Variants in CTR9 observed in about 807,000 individuals in gnomAD.
The protein encoded by CTR9 is CTR9 component of Paf1/RNA polymerase II complex.
In CTR9, 41 loss-of-function variants were observed where a neutral mutation model predicts 152.1. The observed-to-expected ratio is 0.27, with a 90% CI of 0.21 to 0.35. The LOEUF is 0.35. Among genes scored for constraint, CTR9 ranks in the 10% least tolerant of loss-of-function variants. The pLI is 1.00. For missense variants in CTR9, 917 were observed against 1,424.4 expected, an observed-to-expected ratio of 0.64 and a Z score of 5.73; for synonymous variants, 476 against 496.2, an observed-to-expected ratio of 0.96 and a Z score of 0.54.
chr11:10,755,225 T>G, intron 3 of CTR9, 28 bp downstream of exon 3: 1 of 1,584,072 alleles, frequency 6.3e-7, no homozygotes, highest in South Asian at 1.2e-5. Flanking sequence ...TTTCTTTCCA[T>G]TTATGAAGGG....
chr11:10,763,917 A>G (rs1863017624), intron 9 of CTR9, 38 bp downstream of exon 9: 6 of 1,500,898 alleles, frequency 4.0e-6, no homozygotes, highest in Non-Finnish European at 5.4e-6. Context: ...GTTTTCTGTT[A>G]GCTGTCCCAA....
rs769616735 is a variant in CTR9 at position 10,773,991 on chromosome 11, A to G, written c.2728-21A>G. The G allele has an allele frequency of 1.1e-5, 18 of 1,588,332 alleles. No individual in the cohort carries two copies. The Admixed American group carries it at 1.5e-4, about 14-fold the overall frequency. On this transcript the variant is annotated intron_variant, in intron 21 of 24. Transcript: ENST00000361367. ...TCCACCAACCAGGAAATAACTGACT[A>G]TAGTGTTGTTTGGATTTTAGCGTTC... is the stretch of plus-strand genomic sequence containing the variant.
At chr11:10,772,270 A>C (rs1352092551) in intron 19 of CTR9, among the ~76,000 whole-genome samples, 1 of 152,008 alleles carries the variant, frequency 6.6e-6, no homozygotes, top group Non-Finnish European at 1.5e-5. Context: ...CAGGATAATC[A>C]CTTAAACCCG....
Position 10,763,620 on chromosome 11 carries a change from C to A in CTR9, c.958-23C>A, listed in dbSNP as rs199583444. On this transcript the variant is annotated intron_variant, in intron 8 of 24. Coordinates refer to ENST00000361367, the MANE Select transcript of CTR9 (RefSeq NM_014633.5). ...TTCCAATACTTTTGTACATATTGGT[C>A]TTTTTTAATTTTCATTCTTTAGGAA... 357 of 1,580,140 alleles carry A rather than the reference C, an allele frequency of 2.3e-4. 1 individual carries two copies. The highest frequency in any genetic ancestry group is 3.4e-4 in the Middle Eastern group (2 of 5,894).
intron 1 of CTR9, 123 bp downstream of exon 1, chr11:10,751,580 C>T: frequency 1.2e-5 from 11 of 946,152 alleles, no homozygotes; most frequent in East Asian, 2.6e-5. Context: ...GATCGAAATA[C>T]CTGGCCAAGG....
rs1564969518 is a variant in CTR9, at chr11:10,767,668, A to C, written c.1687-138A>C. ...ATTTGGATTGCCATGCAAAAAAAAAAAGAAAGAAAGAAAAGAAAGAAAACC... is the reference window on the plus strand; with the variant it reads ...ATTTGGATTGCCATGCAAAAAAAAACAGAAAGAAAGAAAAGAAAGAAAACC... On this transcript the variant is annotated intron_variant, in intron 13 of 24. Coordinates refer to ENST00000361367, the MANE Select transcript of CTR9 (RefSeq NM_014633.5). This position sits in a 1 kb window ranked among gnomAD's most constrained non-coding sequence, Gnocchi z 4.0. The C allele has an allele frequency of 6.6e-6, 5 of 760,336 alleles. No homozygotes were observed. Among genetic ancestry groups the C allele is most frequent in the Non-Finnish European group, 1.1e-5 (5 of 475,400 alleles). The allele number at this position is 760,336 out of a possible 1,614,324, so 47.1% of individuals were successfully genotyped here. A position where few individuals can be genotyped will look rare whatever the true frequency, so the allele number is the denominator to read the frequency against.
intron 21 of CTR9, among the ~76,000 whole-genome samples, 178 bp from the exon 22 acceptor site, chr11:10,773,834 G>A (rs985207393): frequency 1.4e-5 from 2 of 146,184 alleles, no homozygotes; most frequent in African/African-American, 5.1e-5. Flanking sequence ...GCAGTGAGCC[G>A]AGATTGCCCC....
intron 13 of CTR9, 69 bp downstream of exon 13, chr11:10,766,559 T>C: frequency 9.0e-7 from 1 of 1,114,452 alleles, no homozygotes. Context: ...AAATCAGTTT[T>C]TCCTTTTAAT....
At chr11:10,764,462 T>G in intron 11 of CTR9, 26 bp downstream of exon 11, 1 of 1,571,490 alleles carries the variant, frequency 6.4e-7, no homozygotes, top group Non-Finnish European at 8.6e-7. Context: ...TATTTCCTTC[T>G]TTTATACTGA....
intron 16 of CTR9, 42 bp from the exon 17 acceptor site, chr11:10,770,168 A>C: frequency 7.2e-7 from 1 of 1,385,686 alleles, no homozygotes; most frequent in Non-Finnish European, 1.0e-6. Flanking sequence ...AATGTCATTT[A>C]TTCTTTGTTG....
At chr11:10,754,501 CCAT>C (rs1862854222) in intron 2 of CTR9, among the ~76,000 whole-genome samples, 1 of 152,144 alleles carries the variant, frequency 6.6e-6, no homozygotes, top group African/African-American at 2.4e-5. Flanking sequence ...ACCTGTGAAA[CCAT>C]CACCACAATC....
Position 10,752,790 on chromosome 11 carries a change from A to C in CTR9, c.144+20A>C. 6.3e-7 allele frequency: 1 copy of C among 1,580,890 alleles called. No individual in the cohort carries two copies. The highest frequency in any genetic ancestry group is 8.7e-7 in the Non-Finnish European group (1 of 1,152,998). The stretch of plus-strand genomic sequence containing the variant: ...TTGGCGGTCAGTATTCATGTAGCAA[A>C]TATTTTTTATTTGTTGACTAGGAAA... On this transcript the variant is annotated intron_variant, in intron 2 of 24. Coordinates refer to ENST00000361367, the MANE Select transcript of CTR9 (RefSeq NM_014633.5).
intron 2 of CTR9, among the ~76,000 whole-genome samples, chr11:10,753,126 A>G (rs747960134): frequency 3.3e-5 from 5 of 152,188 alleles, no homozygotes; most frequent in Non-Finnish European, 7.4e-5. Context: ...TGTTTCCTAT[A>G]ACAACAAAAC....
rs1260788254 is a variant in CTR9, at chr11:10,778,851, C to T, written c.3268C>T (p.Pro1090Ser). Residue 1090 changes from proline to serine, a missense_variant, in exon 25 of 25, where the codon CCA becomes TCA. By Grantham distance (74) the Pro-to-Ser change is moderately conservative (BLOSUM62 -1). Transcript: ENST00000361367. ...AGATCAGGACTCAGACAGTGACCAGCCATCCAGAAAGAGAAGGCCCTCCGG... is the reference window on the plus strand; with the variant it reads ...AGATCAGGACTCAGACAGTGACCAGTCATCCAGAAAGAGAAGGCCCTCCGG... ...RSDQDSDSDQ[P>S]SRKRRPSGSE... 2.5e-6 allele frequency: 4 copies of T among 1,614,116 alleles called. No homozygotes were observed. The highest frequency in any genetic ancestry group is 3.4e-6 in the Non-Finnish European group (4 of 1,180,044).
In CTR9 at chr11:10,773,122, C is replaced by T. The variant is rs766608891; in HGVS notation, c.2581-5C>T. ...GGGTTTCTTTTCTACCATTTTTCCTCATAGGAAGAGAAACGTCTCAGAGAA... is the reference window on the plus strand; with the variant it reads ...GGGTTTCTTTTCTACCATTTTTCCTTATAGGAAGAGAAACGTCTCAGAGAA... On this transcript the variant is annotated splice_polypyrimidine_tract_variant and splice_region_variant and intron_variant, in intron 20 of 24. Coordinates refer to ENST00000361367, the MANE Select transcript of CTR9 (RefSeq NM_014633.5). 1.9e-6 allele frequency: 3 copies of T among 1,589,132 alleles called. No homozygotes were observed. Among genetic ancestry groups the T allele is most frequent in the Non-Finnish European group, 2.6e-6 (3 of 1,174,178 alleles).
chr11:10,772,520 G>A lies in CTR9; in HGVS notation c.2445G>A (p.Arg815=). 9 of 1,522,248 alleles carry A rather than the reference G, an allele frequency of 5.9e-6. No homozygotes were observed. The highest frequency in any genetic ancestry group is 7.9e-6 in the Non-Finnish European group (9 of 1,134,630). The allele number at this position is 1,522,248 out of a possible 1,614,324, so 94.3% of individuals were successfully genotyped here. The change falls in exon 20 of 25, where the codon AGG becomes AGA. Residue 815 remains arginine (R), a splice_region_variant and synonymous_variant. Coordinates refer to ENST00000361367, the MANE Select transcript of CTR9 (RefSeq NM_014633.5). ...FDLALAATEA[R]QCSDLLSQAQ... ...TTTCTCTAAACCTGAAATGTTCTAGGCAGTGTTCTGACTTACTGAGCCAGG... is the reference window on the plus strand; with the variant it reads ...TTTCTCTAAACCTGAAATGTTCTAGACAGTGTTCTGACTTACTGAGCCAGG...
At position 10,755,096 on chromosome 11, in the gene CTR9, C is replaced by A; in HGVS notation, c.283C>A (p.Gln95Lys). 6.2e-7 allele frequency: 1 copy of A among 1,614,052 alleles called. No homozygotes were observed. Among genetic ancestry groups the A allele is most frequent in the South Asian group, 1.1e-5 (1 of 91,076 alleles). The change falls in exon 3 of 25, where the codon CAA becomes AAA. Residue 95 changes from glutamine (Q) to lysine (K), a missense_variant. Physicochemically the swap from Gln to Lys is moderately conservative, Grantham distance 53 (BLOSUM62 1). Transcript: ENST00000361367. ...GGATACATTGGCAGCGTATTATGTA[C>A]AACAGGCTCGGAAAGAAAAGAATAA... is the stretch of plus-strand genomic sequence containing the variant. Reference protein sequence around the residue: ...CLDTLAAYYVQQARKEKNKDN... With the variant: ...CLDTLAAYYVKQARKEKNKDN...
chr11:10,761,771 AAG>A lies in CTR9; in HGVS notation c.742-170_742-169del, dbSNP rs533164526. 4.5e-3 allele frequency among the ~76,000 whole-genome samples: 685 copies of A among 152,318 alleles called. 2 individuals carry two copies. Among genetic ancestry groups the A allele is most frequent in the Non-Finnish European group, 7.6e-3 (518 of 68,028 alleles). On this transcript the variant is annotated intron_variant, in intron 6 of 24. Coordinates refer to ENST00000361367, the MANE Select transcript of CTR9 (RefSeq NM_014633.5). ...GACACACAAAAAAATTAAGGATTAA[AAG>A]AGAGATTTAATTACAAATGCAATAT...
chr11:10,774,236 A>G (rs1863194308), intron 22 of CTR9, 67 bp downstream of exon 22: 2 of 1,515,532 alleles, frequency 1.3e-6, no homozygotes, highest in Non-Finnish European at 1.8e-6. Flanking sequence ...TACCTTCTGA[A>G]TCTTTTGATG....
Sources: allele counts gnomAD v4.1 joint callset (sites outside exome capture counted in the v4.1 genomes callset), GRCh38; gene constraint gnomAD v4.1.1; non-coding constraint Gnocchi (gnomAD v3.1); transcripts MANE v1.5; gene names NCBI Gene and HGNC (gene_info 2026-07-23, HGNC 2026-07-21).